MST1R: variants seen among roughly 807,000 people sequenced by gnomAD.
The protein encoded by MST1R is macrophage-stimulating protein receptor.
MST1R carries 99 observed loss-of-function variants against 117.8 expected under a neutral mutation model. The observed-to-expected ratio is 0.84, with a 90% CI of 0.71 to 0.99. The LOEUF (loss-of-function observed/expected upper bound fraction) is 0.99, where lower values mean the gene tolerates loss of function less well. Among genes scored for constraint, MST1R ranks in the 50% least tolerant of loss-of-function variants. The pLI is 0.00. For missense variants in MST1R, 1,683 were observed against 1,840.2 expected (o/e 0.91, Z 1.56); for synonymous variants, 734 against 765.3 (o/e 0.96, Z 0.68).
chr3:49,897,724 T>C, intron 5 of MST1R, 39 bp from the exon 6 acceptor site: 1 of 1,577,726 alleles, frequency 6.3e-7, no homozygotes, highest in Non-Finnish European at 8.6e-7. Context: ...AGCCAGGAAT[T>C]ACACAGGCCT....
Position 49,887,315 on chromosome 3 carries a change from G to T in MST1R, c.4195C>A (p.Pro1399Thr). Residue 1399 changes from proline to threonine, a missense_variant, in exon 20 of 20, where the codon CCC becomes ACC. Pro to Thr is a conservative substitution (Grantham distance 38). Transcript: ENST00000296474. The part of the protein sequence containing the change: ...RPRPLSEPPR[P>T]T ...CCAGCCCAAGAACTAAGTCAAGTGGGCCGAGGAGGCTCTGAGAGTGGCCGG... is the reference window on the plus strand; with the variant it reads ...CCAGCCCAAGAACTAAGTCAAGTGGTCCGAGGAGGCTCTGAGAGTGGCCGG... The T allele has an allele frequency of 1.2e-6, 2 of 1,614,130 alleles. No homozygotes were observed. The highest frequency in any genetic ancestry group is 2.7e-5 in the African/African-American group (2 of 75,078).
chr3:49,898,993 C>T lies in MST1R; in HGVS notation c.1422G>A (p.Val474=), dbSNP rs770334305. The T allele has an allele frequency of 1.2e-5, 20 of 1,614,084 alleles. No individual in the cohort carries two copies. The East Asian group carries it at 2.9e-4, about 23-fold the overall frequency. ...MGTMDGRILQ[V]ELVRSLNYLL... Reference sequence around the variant, plus strand: ...AGTAGTTTAGTGACCTGACCAGCTCCACCTAGGACAGGTCAGATGTGAGCA... The same window carrying T: ...AGTAGTTTAGTGACCTGACCAGCTCTACCTAGGACAGGTCAGATGTGAGCA... The change falls in exon 3 of 20, where the codon GTG becomes GTA. Residue 474 remains valine (V), a splice_region_variant and synonymous_variant. Coordinates refer to ENST00000296474, the MANE Select transcript of MST1R (RefSeq NM_002447.4).
Position 49,898,156 on chromosome 3 carries a change from G to C in MST1R, c.1775C>G (p.Ser592Cys), listed in dbSNP as rs1229410123. The change falls in exon 5 of 20, where the codon TCC becomes TGC. Residue 592 changes from serine to cysteine, a missense_variant. Physicochemically the swap from Ser to Cys is moderately radical, Grantham distance 112. Transcript: ENST00000296474. ...RGSTRLTLCGSNFYLHPSGLV... is the reference protein window; with the variant it reads ...RGSTRLTLCGCNFYLHPSGLV... Reference sequence around the variant, plus strand: ...ACCAGAAGGGTGAAGGTAGAAGTTGGAGCCACACAGGGTCAGCCTTGTACT... The same window carrying C: ...ACCAGAAGGGTGAAGGTAGAAGTTGCAGCCACACAGGGTCAGCCTTGTACT... 2 of 1,613,914 alleles carry C rather than the reference G, an allele frequency of 1.2e-6. No individual in the cohort carries two copies. The highest frequency in any genetic ancestry group is 8.5e-7 in the Non-Finnish European group (1 of 1,180,038).
chr3:49,902,100 G>A (rs889070398), intron 1 of MST1R, among the ~76,000 whole-genome samples: 6 of 152,128 alleles, frequency 3.9e-5, no homozygotes, highest in African/African-American at 1.4e-4. Context: ...CACATAGCCA[G>A]GGAAACTACC....
In MST1R at chr3:49,887,052, G is replaced by T. The variant is rs79328051; in HGVS notation, c.*255C>A. ...CTTTATTGGTTCAAGGGTCAGTGTTGGTGTGGTCACTGCTGAGTCCACTGT... is the reference window on the plus strand; with the variant it reads ...CTTTATTGGTTCAAGGGTCAGTGTTTGTGTGGTCACTGCTGAGTCCACTGT... On this transcript the variant is annotated 3_prime_UTR_variant, in exon 20 of 20. Coordinates refer to ENST00000296474, the MANE Select transcript of MST1R (RefSeq NM_002447.4). The T allele has an allele frequency of 1.7e-3, 980 of 580,676 alleles. 17 individuals carry two copies. The East Asian group carries it at 0.025, about 15-fold the overall frequency. 36.0% of individuals were successfully genotyped at this position (580,676 alleles called of 1,614,324 possible). A position where few individuals can be genotyped will look rare whatever the true frequency, so the allele number is the denominator to read the frequency against.
At chr3:49,890,862 A>G (rs550832450) in intron 17 of MST1R, among the ~76,000 whole-genome samples, 2 of 152,140 alleles carry the variant, frequency 1.3e-5, no homozygotes, top group East Asian at 3.9e-4. Context: ...AGTAGCTGGG[A>G]CTACAGGGGC....
At chr3:49,898,710 C>T in intron 3 of MST1R, 22 bp from the exon 4 acceptor site, 1 of 1,612,994 alleles carries the variant, frequency 6.2e-7, no homozygotes, top group Non-Finnish European at 8.5e-7. Flanking sequence ...AGACAGGTGA[C>T]TCAGGGGTGC....
At chr3:49,892,045 C>T in intron 14 of MST1R, 1 of 370,016 alleles carries the variant, frequency 2.7e-6, no homozygotes, top group Admixed American at 4.3e-5. Flanking sequence ...CTCATTGCAA[C>T]CTCTGCCTCC....
chr3:49,899,296 G>T (rs374447625), intron 1 of MST1R, 33 bp from the exon 2 acceptor site: 2 of 1,611,232 alleles, frequency 1.2e-6, no homozygotes, highest in Non-Finnish European at 1.7e-6. Flanking sequence ...AGGAGTCAGG[G>T]TTCAGCCTTG....
At position 49,897,267 on chromosome 3, in the gene MST1R, T is replaced by G; in HGVS notation, c.2183+13A>C. On this transcript the variant is annotated intron_variant, in intron 7 of 19. Transcript: ENST00000296474. ...AACCCTGCGGCCTCCCATGCCTGCC[T>G]GGTGGTACTTACCGTGCTAGCAGAC... The G allele has an allele frequency of 6.3e-7, 1 of 1,593,008 alleles. No homozygotes were observed. The highest frequency in any genetic ancestry group is 8.6e-7 in the Non-Finnish European group (1 of 1,169,078).
rs765065399 is a variant in MST1R, at chr3:49,891,432, A to C, written c.3501T>G (p.Gly1167=). The change falls in exon 16 of 20, where the codon GGT becomes GGG. Residue 1167 remains glycine (G), a synonymous_variant. Coordinates refer to ENST00000296474, the MANE Select transcript of MST1R (RefSeq NM_002447.4). The part of the protein sequence containing the change: ...PHVLLPYMCH[G]DLLQFIRSPQ... ...GTGAGCGGATGAACTGGAGCAGGTC[A>C]CCGTGGCACATATAGGGCAGCAGCA... 16 of 1,613,872 alleles carry C rather than the reference A, an allele frequency of 9.9e-6. No individual in the cohort carries two copies. Among genetic ancestry groups the C allele is most frequent in the Non-Finnish European group, 3.4e-6 (4 of 1,180,040 alleles).
Position 49,898,509 on chromosome 3 carries a change from A to G in MST1R, c.1719+9T>C, listed in dbSNP as rs753055929. 6.2e-7 allele frequency: 1 copy of G among 1,612,748 alleles called. No homozygotes were observed. Among genetic ancestry groups the G allele is most frequent in the Non-Finnish European group, 8.5e-7 (1 of 1,179,454 alleles). Reference sequence around the variant, plus strand: ...CACTCTTACCTGTGCCCTGCCAGGGAAGCCATACCTCAGTAAGCTTAGGTG... The same window carrying G: ...CACTCTTACCTGTGCCCTGCCAGGGGAGCCATACCTCAGTAAGCTTAGGTG... On this transcript the variant is annotated intron_variant, in intron 4 of 19. Coordinates refer to ENST00000296474, the MANE Select transcript of MST1R (RefSeq NM_002447.4).
At chr3:49,894,812 A>ATTT (rs758558128) in intron 14 of MST1R, among the ~76,000 whole-genome samples, 1 of 141,928 alleles carries the variant, frequency 7.0e-6, no homozygotes, top group African/African-American at 2.6e-5. Flanking sequence ...AGCCCATGTC[A>ATTT]TTTTTTTTTT....
rs899439955 is a variant in MST1R at position 49,895,624 on chromosome 3, C to T, written c.2963-76G>A. The T allele has an allele frequency of 8.1e-6, 13 of 1,604,916 alleles. No homozygotes were observed. In the East Asian group the frequency reaches 2.5e-4, roughly 30 times the overall value. On this transcript the variant is annotated intron_variant, in intron 12 of 19. Coordinates refer to ENST00000296474, the MANE Select transcript of MST1R (RefSeq NM_002447.4). ...GACCCCTCTGGGGAGGACTTAGATC[C>T]CTAAGTCCTGGGCAGAGAGAGGATG...
chr3:49,893,135 C>T lies in MST1R; in HGVS notation c.3272-1297G>A, dbSNP rs553163091. ...TTCTACTAAAAATACAAAAATTAGACGGGCTTGGTGGTGCACGTCTGTAAT... is the reference window on the plus strand; with the variant it reads ...TTCTACTAAAAATACAAAAATTAGATGGGCTTGGTGGTGCACGTCTGTAAT... On this transcript the variant is annotated intron_variant, in intron 14 of 19. Transcript: ENST00000296474. Among the ~76,000 whole-genome samples the T allele has an allele frequency of 2.7e-4, 40 of 147,324 alleles. No homozygotes were observed. The South Asian group carries it at 2.8e-3, about 10-fold the overall frequency.
At chr3:49,892,087 C>T (rs1343527171) in intron 14 of MST1R, 1 of 312,364 alleles carries the variant, frequency 3.2e-6, no homozygotes, top group African/African-American at 2.2e-5. Flanking sequence ...CCTCAGCCTC[C>T]TGAGTAGCTG....
chr3:49,901,418 G>C (rs140801652), intron 1 of MST1R, among the ~76,000 whole-genome samples: 19 of 152,286 alleles, frequency 1.2e-4, no homozygotes, highest in African/African-American at 3.4e-4. Context: ...AACCTAGATA[G>C]AGTCTGTGGA....
At chr3:49,896,170 C>T in intron 10 of MST1R, 25 bp downstream of exon 10, 1 of 1,614,166 alleles carries the variant, frequency 6.2e-7, no homozygotes, top group Non-Finnish European at 8.5e-7. Flanking sequence ...CCCCAACTGT[C>T]CCTGCCCCTA....
At chr3:49,887,613 T>C in intron 19 of MST1R, 51 bp from the exon 20 acceptor site, 1 of 1,592,674 alleles carries the variant, frequency 6.3e-7, no homozygotes, top group Non-Finnish European at 8.5e-7. Flanking sequence ...CCAAGGATTC[T>C]GGGCCACCCA....
Sources: gnomAD v4.1 joint callset for allele counts (sites outside exome capture counted in the v4.1 genomes callset) on GRCh38, gnomAD v4.1.1 for gene constraint, MANE v1.5 for transcripts, NCBI Gene and HGNC (gene_info 2026-07-23, HGNC 2026-07-21) for gene names.